RNASEH2B: variants seen among roughly 807,000 people sequenced by gnomAD.
RNASEH2B encodes the protein ribonuclease H2 subunit B.
A neutral mutation model predicts 45.0 loss-of-function variants in RNASEH2B; 36 were observed. The ratio of observed to expected loss-of-function variants is 0.80; its 90% CI spans 0.61 to 1.06. The LOEUF (loss-of-function observed/expected upper bound fraction) is 1.06. Ranked by LOEUF, RNASEH2B falls within the 50% of genes least tolerant of loss-of-function variation. The pLI is 0.00. For synonymous variants in RNASEH2B, 119 were observed against 125.7 expected (o/e 0.95, Z 0.35); for missense variants, 361 against 360.3 (o/e 1.00, Z -0.02).
intron 9 of RNASEH2B, among the ~76,000 whole-genome samples, chr13:50,968,933 T>G (rs1593488970): frequency 6.6e-6 from 1 of 152,340 alleles, no homozygotes; most frequent in Middle Eastern, 3.4e-3. Context: ...AAAATAATTG[T>G]TACTTTACAC....
chr13:50,948,163 T>G (rs1951929879), intron 8 of RNASEH2B, 95 bp downstream of exon 8: 1 of 1,570,014 alleles, frequency 6.4e-7, no homozygotes, highest in Admixed American at 1.7e-5. Context: ...TATCACTGTT[T>G]ATGATACAAG....
At chr13:50,965,889 G>A (rs565922536) in intron 9 of RNASEH2B, among the ~76,000 whole-genome samples, 46 of 152,274 alleles carry the variant, frequency 3.0e-4, no homozygotes, top group African/African-American at 1.0e-3. Flanking sequence ...GAGAATATAT[G>A]TGGTTTTTAT....
chr13:50,969,235 G>A (rs1374718371), intron 9 of RNASEH2B, among the ~76,000 whole-genome samples: 2 of 152,274 alleles, frequency 1.3e-5, no homozygotes, highest in South Asian at 2.1e-4. Flanking sequence ...GAATTCTGGG[G>A]AGTGGGTGGT....
chr13:50,929,647 C>A, intron 3 of RNASEH2B, 65 bp downstream of exon 3: 1 of 1,058,904 alleles, frequency 9.4e-7, no homozygotes, highest in Non-Finnish European at 1.5e-6. Flanking sequence ...ATTCTTCACA[C>A]GTGGGGTTGT....
intron 5 of RNASEH2B, chr13:50,936,210 A>C (rs557243076): frequency 6.6e-6 from 1 of 152,330 alleles, no homozygotes; most frequent in Non-Finnish European, 1.5e-5. Context: ...GTGTTTTGAC[A>C]GGTTAGAAAT....
At chr13:50,968,038 C>T (rs1211773379) in intron 9 of RNASEH2B, among the ~76,000 whole-genome samples, 1 of 152,164 alleles carries the variant, frequency 6.6e-6, no homozygotes, top group Non-Finnish European at 1.5e-5. Flanking sequence ...ATATATTCCT[C>T]AGAGCCATTA....
chr13:50,954,296 C>T (rs903235071), intron 10 of RNASEH2B: 3 of 513,384 alleles, frequency 5.8e-6, no homozygotes, highest in Admixed American at 3.6e-5. Flanking sequence ...TTTGTCAACC[C>T]TGCTGCCCAG....
chr13:50,956,169 A>G (rs982953639), intron 10 of RNASEH2B, 189 bp from the exon 11 acceptor site: 4 of 548,774 alleles, frequency 7.3e-6, no homozygotes, highest in African/African-American at 1.9e-5. Flanking sequence ...GCCTCTTTTA[A>G]CATATTCTGT....
At chr13:50,960,296 T>C (rs1287335688), downstream of RNASEH2B, 1 of 360,938 alleles carries the variant, frequency 2.8e-6, no homozygotes, top group Admixed American at 4.7e-5. Context: ...ATTTAGTTTT[T>C]AAAAATTGCA....
intron 9 of RNASEH2B, among the ~76,000 whole-genome samples, chr13:50,964,465 AGT>A (rs1952145219): frequency 6.6e-6 from 1 of 152,190 alleles, no homozygotes; most frequent in Non-Finnish European, 1.5e-5. Context: ...ATAATCATAG[AGT>A]GCCATACGAG....
chr13:50,929,424 T>TTG (rs199744138), intron 2 of RNASEH2B, 51 bp from the exon 3 acceptor site: 55 of 1,068,958 alleles, frequency 5.1e-5, no homozygotes, highest in South Asian at 1.5e-4. Context: ...GTGTGTGTGT[T>TTG]TGTGTGTGTG....
intron 1 of RNASEH2B, among the ~76,000 whole-genome samples, chr13:50,914,374 G>T (rs1373815462): frequency 6.6e-6 from 1 of 152,184 alleles, no homozygotes; most frequent in African/African-American, 2.4e-5. Flanking sequence ...ACTTCACTTG[G>T]CACATGATAG....
chr13:50,948,281 A>C, intron 8 of RNASEH2B: 1 of 688,422 alleles, frequency 1.5e-6, no homozygotes, highest in Non-Finnish European at 2.2e-6. Flanking sequence ...AGTGAATGTC[A>C]AGATTGGAAT....
intron 5 of RNASEH2B, chr13:50,941,168 T>C (rs1351478604): frequency 2.0e-5 from 3 of 152,268 alleles, no homozygotes; most frequent in Non-Finnish European, 4.4e-5. Context: ...TCACAATATC[T>C]TAGCTAATAT....
intron 5 of RNASEH2B, among the ~76,000 whole-genome samples, chr13:50,940,372 G>A (rs868262064): frequency 6.6e-6 from 1 of 152,206 alleles, no homozygotes; most frequent in Non-Finnish European, 1.5e-5. Flanking sequence ...TGTGTCCATT[G>A]TGTGAACATG....
At chr13:50,966,854 G>A (rs1471408227) in intron 9 of RNASEH2B, among the ~76,000 whole-genome samples, 1 of 151,992 alleles carries the variant, frequency 6.6e-6, no homozygotes, top group Non-Finnish European at 1.5e-5. Context: ...TGTTTATATT[G>A]TATGCAAACT....
At chr13:50,943,466 G>A in intron 6 of RNASEH2B, 72 bp downstream of exon 6, 1 of 1,045,046 alleles carries the variant, frequency 9.6e-7, no homozygotes, top group Non-Finnish European at 1.5e-6. Flanking sequence ...AGAGAAGGCA[G>A]TAAGTCTGAA....
intron 5 of RNASEH2B, 110 bp downstream of exon 5, chr13:50,935,109 G>A: frequency 2.7e-6 from 2 of 737,744 alleles, no homozygotes; most frequent in South Asian, 3.0e-5. Flanking sequence ...TCCACCATAG[G>A]GAAAACTATC....
In RNASEH2B at chr13:50,910,051, G is replaced by T; in HGVS notation, c.-26G>T. 6.8e-7 allele frequency: 1 copy of T among 1,466,896 alleles called. No individual in the cohort carries two copies. 90.9% of individuals were successfully genotyped at this position (1,466,896 alleles called of 1,614,324 possible). A position where few individuals can be genotyped will look rare whatever the true frequency, so the allele number is the denominator to read the frequency against. On this transcript the variant is annotated 5_prime_UTR_variant, in exon 1 of 11. Transcript: ENST00000336617. The stretch of plus-strand genomic sequence containing the variant: ...GACTGAGGCCCGCGGCGCTGAGCCT[G>T]CGGCGCCCCGGAAGAGGCGGGCGGC...
Sources: allele counts gnomAD v4.1 joint callset (sites outside exome capture counted in the v4.1 genomes callset), GRCh38; gene constraint gnomAD v4.1.1; transcripts MANE v1.5; gene names NCBI Gene and HGNC (gene_info 2026-07-23, HGNC 2026-07-21).